MPRIP: variants seen among roughly 807,000 people sequenced by gnomAD.
MPRIP encodes myosin phosphatase Rho interacting protein, also known as myosin phosphatase Rho-interacting protein.
Under a neutral mutation model 234.9 loss-of-function variants are expected in MPRIP, and 59 were observed. The ratio of observed to expected loss-of-function variants is 0.25; its 90% confidence interval spans 0.20 to 0.31. The LOEUF (loss-of-function observed/expected upper bound fraction) is 0.31, where lower values mean the gene tolerates loss of function less well. MPRIP is among the 10% of genes least tolerant of loss of function. The pLI is 1.00. For synonymous variants in MPRIP, 1,144 were observed against 1,263.9 expected (o/e 0.91, Z 2.01); for missense variants, 2,436 against 3,071.0 (o/e 0.79, Z 4.89).
chr17:17,099,870 CAT>C (rs1041206275), intron 3 of MPRIP, among the ~76,000 whole-genome samples: 1 of 152,144 alleles, frequency 6.6e-6, no homozygotes, highest in African/African-American at 2.4e-5. Flanking sequence ...ATAAAACTAA[CAT>C]ATGTCTTGTA....
At chr17:17,101,913 G>A (rs750869529) in intron 3 of MPRIP, among the ~76,000 whole-genome samples, 35 of 152,208 alleles carry the variant, frequency 2.3e-4, no homozygotes, top group Non-Finnish European at 4.1e-4. Flanking sequence ...GTCAGGCTTG[G>A]CCTAAAAGAG....
intron 23 of MPRIP, chr17:17,182,848 A>G (rs578029550): frequency 1.2e-4 from 19 of 152,460 alleles, no homozygotes; most frequent in African/African-American, 4.1e-4. Context: ...GAAAGTCCCC[A>G]ACAAGCAGGA....
chr17:17,048,646 C>T (rs563396620), intron 1 of MPRIP, among the ~76,000 whole-genome samples: 34 of 152,222 alleles, frequency 2.2e-4, no homozygotes, highest in African/African-American at 7.9e-4. Flanking sequence ...TCACTTCATA[C>T]CTGTCAGGAT....
intron 3 of MPRIP, among the ~76,000 whole-genome samples, chr17:17,090,997 T>C (rs763022642): frequency 2.6e-5 from 4 of 151,728 alleles, no homozygotes; most frequent in Non-Finnish European, 4.4e-5. Context: ...AGGTGGCCAA[T>C]ACCTGTGGAG....
chr17:17,184,089 A>G (rs914431079), intron 23 of MPRIP, among the ~76,000 whole-genome samples: 6 of 152,262 alleles, frequency 3.9e-5, no homozygotes, highest in Non-Finnish European at 7.3e-5. Context: ...TTATTCAGAA[A>G]TTAAATCATT....
At chr17:17,083,511 C>T (rs1036717953) in intron 3 of MPRIP, among the ~76,000 whole-genome samples, 1 of 152,164 alleles carries the variant, frequency 6.6e-6, no homozygotes, top group Non-Finnish European at 1.5e-5. Flanking sequence ...AGCAGCCCAA[C>T]GTTGCCTAGG....
rs374288021 is a variant in MPRIP, at chr17:17,094,579, ATTTC to A, written c.267+16511_267+16514del. 6.2e-3 allele frequency among the ~76,000 whole-genome samples: 888 copies of A among 142,350 alleles called. 7 individuals are homozygous for A. Among genetic ancestry groups the A allele is most frequent in the African/African-American group, 0.022 (838 of 38,460 alleles). The allele number at this position is 142,350 out of a possible 152,430, so 93.4% of individuals were successfully genotyped here. A position where few individuals can be genotyped will look rare whatever the true frequency, so the allele number is the denominator to read the frequency against. On this transcript the variant is annotated intron_variant, in intron 3 of 23. Transcript: ENST00000651222. ...TGTCTTATATTTTCTTCCTCTGGTA[ATTTC>A]TTTCTTTTTTAACTCATCCCTCTCC...
chr17:17,058,024 C>A (rs560396344), intron 1 of MPRIP: 15 of 323,588 alleles, frequency 4.6e-5, no homozygotes, highest in Admixed American at 2.6e-4. Context: ...CCAGTGGTAT[C>A]CCTTTCACAG....
At chr17:17,137,863 G>A (rs1452054123) in intron 6 of MPRIP, 53 bp from the exon 7 acceptor site, 18 of 1,493,822 alleles carry the variant, frequency 1.2e-5, no homozygotes, top group South Asian at 1.3e-5. Flanking sequence ...AGTCCTCAAA[G>A]CAAAGCTGCC....
rs529369201 is a variant in MPRIP, at chr17:17,115,497, C to T, written c.268-11205C>T. 7.9e-5 allele frequency among the ~76,000 whole-genome samples: 12 copies of T among 152,342 alleles called. No homozygotes were observed. In the South Asian group the frequency reaches 1.2e-3, roughly 16 times the overall value. On this transcript the variant is annotated intron_variant, in intron 3 of 23. Transcript: ENST00000651222. ...AAGGCCTGTTGGAAGGCCTGGCCTG[C>T]TTGCTGCTGAGCCTGTGGTTTCTCC...
chr17:17,097,812 C>T (rs1374227906), intron 3 of MPRIP, among the ~76,000 whole-genome samples: 1 of 152,216 alleles, frequency 6.6e-6, no homozygotes, highest in East Asian at 1.9e-4. Flanking sequence ...CCTTTCTCCA[C>T]ATCCTACCCC....
intron 1 of MPRIP, among the ~76,000 whole-genome samples, chr17:17,053,856 T>C (rs1216538035): frequency 6.6e-6 from 1 of 152,240 alleles, no homozygotes; most frequent in African/African-American, 2.4e-5. Context: ...CCTTGAGGAC[T>C]GGAAGGAAGT....
At chr17:17,067,784 TTCTTCC>T (rs2089079486) in intron 1 of MPRIP, among the ~76,000 whole-genome samples, 2 of 144,852 alleles carry the variant, frequency 1.4e-5, no homozygotes, top group Non-Finnish European at 3.0e-5. Context: ...CTTCTTCTTC[TTCTTCC>T]TTTTTTTTTT....
chr17:17,056,965 G>T lies in MPRIP; in HGVS notation c.123+13994G>T, dbSNP rs551292998. 2.0e-4 allele frequency among the ~76,000 whole-genome samples: 31 copies of T among 152,366 alleles called. No individual in the cohort carries two copies. The South Asian group carries it at 5.8e-3, about 28-fold the overall frequency. On this transcript the variant is annotated intron_variant, in intron 1 of 23. Coordinates refer to ENST00000651222, the MANE Select transcript of MPRIP (RefSeq NM_001364716.4). ...CAGCACAGGTCAGAATTCATTCCTTGTATGGATGGTAGACAGTGGGATTGC... is the reference window on the plus strand; with the variant it reads ...CAGCACAGGTCAGAATTCATTCCTTTTATGGATGGTAGACAGTGGGATTGC...
In MPRIP at chr17:17,167,328, A is replaced by T; in HGVS notation, c.5737A>T (p.Asn1913Tyr). ...TGTGATCGCCATTGTTGAAAGGGAG[A>T]ATGCAGAGCTCAAGGCCAAGGCCGC... Reference protein sequence around the residue: ...LDVIAIVERENAELKAKAAQL... With the variant: ...LDVIAIVEREYAELKAKAAQL... Residue 1913 changes from asparagine to tyrosine, a missense_variant, in exon 16 of 24, where the codon AAT becomes TAT. By Grantham distance (143) the Asn-to-Tyr change is moderately radical. Coordinates refer to ENST00000651222, the MANE Select transcript of MPRIP (RefSeq NM_001364716.4). This position sits in a 1 kb window ranked among gnomAD's most constrained non-coding sequence, Gnocchi z 5.9. 1 of 1,303,996 alleles carries T rather than the reference A, an allele frequency of 7.7e-7. No individual in the cohort carries two copies. Among genetic ancestry groups the T allele is most frequent in the Non-Finnish European group, 1.0e-6 (1 of 988,932 alleles). The allele number at this position is 1,303,996 out of a possible 1,614,324, so 80.8% of individuals were successfully genotyped here.
intron 2 of MPRIP, 94 bp downstream of exon 2, chr17:17,075,881 A>G (rs2089316934): frequency 1.6e-6 from 2 of 1,237,336 alleles, no homozygotes; most frequent in Admixed American, 1.8e-5. Flanking sequence ...TGGAGAGTTG[A>G]ACAGTGGATC....
chr17:17,102,022 C>G (rs1253954021), intron 3 of MPRIP, among the ~76,000 whole-genome samples: 2 of 151,994 alleles, frequency 1.3e-5, no homozygotes, highest in Non-Finnish European at 2.9e-5. Flanking sequence ...TCTAGGCTTT[C>G]CTTTCCTATC....
intron 5 of MPRIP, among the ~76,000 whole-genome samples, chr17:17,134,269 C>G (rs1201317281): frequency 6.6e-6 from 1 of 152,180 alleles, no homozygotes; most frequent in African/African-American, 2.4e-5. Flanking sequence ...AAGCAAGGCT[C>G]TAGAGCAACT....
chr17:17,158,368 T>C, intron 13 of MPRIP, 64 bp from the exon 14 acceptor site: 5 of 1,407,390 alleles, frequency 3.6e-6, no homozygotes. Flanking sequence ...CATTGCCAGC[T>C]TCTGCCTGGC....
Sources: allele counts gnomAD v4.1 joint callset (sites outside exome capture counted in the v4.1 genomes callset), GRCh38; gene constraint gnomAD v4.1.1; non-coding constraint Gnocchi (gnomAD v3.1); transcripts MANE v1.5; gene names NCBI Gene and HGNC (gene_info 2026-07-23, HGNC 2026-07-21).